Variants in RNF213 observed in about 807,000 individuals in gnomAD.
RNF213 encodes ring finger protein 213.
Under a neutral mutation model 514.4 loss-of-function variants are expected in RNF213, and 341 were observed. The ratio of observed to expected loss-of-function variants is 0.66; its 90% confidence interval spans 0.61 to 0.73. The LOEUF is 0.73. RNF213 is among the 30% of genes least tolerant of loss of function. RNF213 has a pLI of 0.00. For synonymous variants in RNF213, 2,655 were observed against 2,658.2 expected, an observed-to-expected ratio of 1.00 and a Z score of 0.04; for missense variants, 5,767 against 6,615.6, an observed-to-expected ratio of 0.87 and a Z score of 4.45.
rs754968841 is a variant in RNF213 at position 80,288,114 on chromosome 17, A to G, written c.561A>G (p.Gly187=). The G allele has an allele frequency of 8.7e-6, 14 of 1,607,988 alleles. No individual in the cohort carries two copies. Among genetic ancestry groups the G allele is most frequent in the Admixed American group, 1.7e-5 (1 of 59,750 alleles). The change falls in exon 4 of 68, where the codon GGA becomes GGG. Residue 187 remains glycine (G), a synonymous_variant. Coordinates refer to ENST00000582970, the MANE Select transcript of RNF213 (RefSeq NM_001256071.3). The surrounding 1 kb of genome is among the most constrained non-coding windows in gnomAD (Gnocchi z 4.9). Reference sequence around the variant, plus strand: ...TGGGAGAGGCAGGAGTGGCCACAGGAAGTGAGGCTCAGAGCAGCCCGCAAT... The same window carrying G: ...TGGGAGAGGCAGGAGTGGCCACAGGGAGTGAGGCTCAGAGCAGCCCGCAAT... The part of the protein sequence containing the change: ...QALGEAGVAT[G]SEAQSSPQFQ...
chr17:80,338,279 G>A (rs2078047151), intron 25 of RNF213, among the ~76,000 whole-genome samples: 1 of 152,192 alleles, frequency 6.6e-6, no homozygotes, highest in Admixed American at 6.5e-5. Context: ...CCACCGCACT[G>A]AGAAGGAGGT....
At position 80,383,079 on chromosome 17, in the gene RNF213, T is replaced by G. The variant is rs761868221; in HGVS notation, c.14070+9T>G. 7 of 1,601,118 alleles carry G rather than the reference T, an allele frequency of 4.4e-6. No individual in the cohort carries two copies. The highest frequency in any genetic ancestry group is 1.7e-4 in the Middle Eastern group (1 of 6,020). On this transcript the variant is annotated intron_variant, in intron 58 of 67. Coordinates refer to ENST00000582970, the MANE Select transcript of RNF213 (RefSeq NM_001256071.3). ...TTTCTCCTGAACTGGAGGTAAGCAG[T>G]AAGTGCTGACAGCTGGGTTGCTCCT...
chr17:80,305,137 C>T (rs1438458948), intron 11 of RNF213, among the ~76,000 whole-genome samples: 1 of 150,794 alleles, frequency 6.6e-6, no homozygotes, highest in Non-Finnish European at 1.5e-5. Context: ...CTTTGGCCTC[C>T]CAAGTTGTGG....
chr17:80,355,026 TC>T (rs1438727989), intron 36 of RNF213: 1 of 357,376 alleles, frequency 2.8e-6, no homozygotes, highest in Non-Finnish European at 5.5e-6. Flanking sequence ...TGGTTATTTT[TC>T]TGTCACCCAT....
At chr17:80,388,938 G>A (rs1414979672) in intron 64 of RNF213, 2 of 620,838 alleles carry the variant, frequency 3.2e-6, no homozygotes, top group Non-Finnish European at 5.8e-6. Context: ...GCTGAAGCGG[G>A]AAGTCCATGG....
chr17:80,345,791 T>G lies in RNF213; in HGVS notation c.7456T>G (p.Phe2486Val), dbSNP rs1304820534. The G allele has an allele frequency of 4.3e-6, 7 of 1,614,062 alleles. No homozygotes were observed. Among genetic ancestry groups the G allele is most frequent in the Middle Eastern group, 1.6e-4 (1 of 6,084 alleles). The change falls in exon 29 of 68, where the codon TTT (phenylalanine) becomes GTT (valine). Residue 2486 changes from phenylalanine (F) to valine (V), a missense_variant. Transcript: ENST00000582970. The surrounding 1 kb of genome is among the most constrained non-coding windows in gnomAD (Gnocchi z 6.0). ...DQHQLDTILF[F>V]DEANTTEAIS... ...ACATCAGTTGGACACCATCTTGTTT[T>G]TTGATGAAGCCAACACAACGGAAGC...
intron 57 of RNF213, 79 bp from the exon 58 acceptor site, chr17:80,382,900 C>A (rs1479284883): frequency 3.7e-5 from 32 of 854,240 alleles, no homozygotes; most frequent in Non-Finnish European, 6.2e-5. Flanking sequence ...CTATTAAACA[C>A]TTATTTAGGG....
chr17:80,278,140 G>C (rs898516748), intron 3 of RNF213, among the ~76,000 whole-genome samples: 2 of 152,224 alleles, frequency 1.3e-5, no homozygotes, highest in African/African-American at 4.8e-5. Context: ...GGAGCCAGGG[G>C]TCATTTGGGT....
At position 80,396,235 on chromosome 17, in the gene RNF213, C is replaced by T. The variant is rs1187414827; in HGVS notation, c.*2737C>T. 3 of 151,286 alleles carry T rather than the reference C, an allele frequency of 2.0e-5. No homozygotes were observed. Among genetic ancestry groups the T allele is most frequent in the African/African-American group, 7.3e-5 (3 of 40,908 alleles). The allele number at this position is 151,286 out of a possible 1,614,324, so 9.4% of individuals were successfully genotyped here. A position where few individuals can be genotyped will look rare whatever the true frequency, so the allele number is the denominator to read the frequency against. ...TATGATTGCACCACTGCACTCCAAC[C>T]TGGGTGACAGAGTGAGACCCTGTCT... is the stretch of plus-strand genomic sequence containing the variant. On this transcript the variant is annotated 3_prime_UTR_variant, in exon 68 of 68. Transcript: ENST00000582970.
intron 47 of RNF213, among the ~76,000 whole-genome samples, chr17:80,372,296 TA>T (rs1378328061): frequency 6.6e-6 from 1 of 152,238 alleles, no homozygotes; most frequent in East Asian, 1.9e-4. Context: ...ATAATGTAAA[TA>T]AATTAGATAA....
Position 80,307,704 on chromosome 17 carries a change from C to T in RNF213, c.2501+503C>T, listed in dbSNP as rs555979531. On this transcript the variant is annotated intron_variant, in intron 13 of 67. Coordinates refer to ENST00000582970, the MANE Select transcript of RNF213 (RefSeq NM_001256071.3). ...AGCTGGGATTACAGGCGCATGCCAC[C>T]ACGCCTGGCTAATTTTTGTATTTTT... Among the ~76,000 whole-genome samples, 336 of 152,234 alleles carry T rather than the reference C, an allele frequency of 2.2e-3. 1 individual carries two copies. Among genetic ancestry groups the T allele is most frequent in the African/African-American group, 8.0e-3 (332 of 41,540 alleles).
chr17:80,353,829 C>A lies in RNF213; in HGVS notation c.10578+163C>A. On this transcript the variant is annotated intron_variant, in intron 34 of 67. Coordinates refer to ENST00000582970, the MANE Select transcript of RNF213 (RefSeq NM_001256071.3). This position sits in a 1 kb window ranked among gnomAD's most constrained non-coding sequence, Gnocchi z 5.0. Reference sequence around the variant, plus strand: ...ACAGTGACGGTCTTGTTGCTGGTTACTGGGGGTCAAGGGCATCTGCACCGG... The same window carrying A: ...ACAGTGACGGTCTTGTTGCTGGTTAATGGGGGTCAAGGGCATCTGCACCGG... 8.1e-7 allele frequency: 1 copy of A among 1,228,190 alleles called. No homozygotes were observed. The allele number at this position is 1,228,190 out of a possible 1,614,324, so 76.1% of individuals were successfully genotyped here. A position where few individuals can be genotyped will look rare whatever the true frequency, so the allele number is the denominator to read the frequency against.
At chr17:80,354,687 C>T in intron 36 of RNF213, 111 bp downstream of exon 36, 1 of 1,348,908 alleles carries the variant, frequency 7.4e-7, no homozygotes, top group Non-Finnish European at 1.0e-6. Context: ...TGTTTCTTTC[C>T]AAACCTCTCA....
chr17:80,291,643 C>T lies in RNF213; in HGVS notation c.1287C>T (p.Asp429=), dbSNP rs149915714. The T allele has an allele frequency of 3.7e-6, 6 of 1,614,094 alleles. No homozygotes were observed. The highest frequency in any genetic ancestry group is 2.7e-5 in the African/African-American group (2 of 74,928). The change falls in exon 8 of 68, where the codon GAC becomes GAT. Residue 429 remains aspartate, a synonymous_variant. Coordinates refer to ENST00000582970, the MANE Select transcript of RNF213 (RefSeq NM_001256071.3). ...ELHYTRDLGH[D]RVLVEGIVCI... ...TCATTCACAGAGACTTGGGTCATGA[C>T]CGCGTTCTTGTTGAAGGCATTGTCT...
chr17:80,347,573 TAC>T lies in RNF213; in HGVS notation c.9241_9242del (p.Thr3081ProfsTer71). Reference sequence around the variant, plus strand: ...TTCTGGTTTCCCCAAGGACCAAGAGTACACCCAGCTCTGCAGAAACATCAATC... The same window carrying T: ...TTCTGGTTTCCCCAAGGACCAAGAGTACCCAGCTCTGCAGAAACATCAATC... ...FGSGFPKDQEYTQLCRNINRV... is the reference protein window; with the variant it reads ...FGSGFPKDQEXTQLCRNINRV... On this transcript the variant is annotated frameshift_variant, in exon 29 of 68. Coordinates refer to ENST00000582970, the MANE Select transcript of RNF213 (RefSeq NM_001256071.3). LOFTEE classifies it high-confidence loss of function. This position sits in a 1 kb window ranked among gnomAD's most constrained non-coding sequence, Gnocchi z 7.2. The T allele has an allele frequency of 6.2e-7, 1 of 1,614,002 alleles. No homozygotes were observed. Among genetic ancestry groups the T allele is most frequent in the Non-Finnish European group, 8.5e-7 (1 of 1,180,002 alleles).
At chr17:80,266,346 C>T (rs570716145) in intron 2 of RNF213, among the ~76,000 whole-genome samples, 150 of 151,362 alleles carry the variant, frequency 9.9e-4, no homozygotes, top group African/African-American at 3.1e-3. Context: ...CCTGGGAAGT[C>T]GAGGCTGCAG....
At chr17:80,373,210 C>T (rs2079587984) in intron 49 of RNF213, 45 bp downstream of exon 49, 1 of 1,559,016 alleles carries the variant, frequency 6.4e-7, no homozygotes, top group Non-Finnish European at 8.7e-7. Flanking sequence ...ACCCCCACAG[C>T]CCCATACACC....
Position 80,313,135 on chromosome 17 carries a change from G to C in RNF213, c.2779G>C (p.Gly927Arg), listed in dbSNP as rs2045627903. The change falls in exon 15 of 68, where the codon GGT (glycine) becomes CGT (arginine). Residue 927 changes from glycine (G) to arginine (R), a missense_variant. Gly to Arg is a moderately radical substitution (Grantham distance 125). Coordinates refer to ENST00000582970, the MANE Select transcript of RNF213 (RefSeq NM_001256071.3). ...VFTKNMLTSSGASFTYVKEIE... is the reference protein window; with the variant it reads ...VFTKNMLTSSRASFTYVKEIE... Reference sequence around the variant, plus strand: ...TACAAAGAACATGCTCACATCTTCAGGTGCCTCATTCACATACGTCAAGGA... The same window carrying C: ...TACAAAGAACATGCTCACATCTTCACGTGCCTCATTCACATACGTCAAGGA... The C allele has an allele frequency of 1.2e-6, 2 of 1,614,152 alleles. No individual in the cohort carries two copies. The highest frequency in any genetic ancestry group is 1.7e-6 in the Non-Finnish European group (2 of 1,180,042).
In RNF213 at chr17:80,353,248, A is replaced by AC; in HGVS notation, c.10423+191dup. The AC allele has an allele frequency of 1.2e-6, 1 of 850,384 alleles. No individual in the cohort carries two copies. Among genetic ancestry groups the AC allele is most frequent in the Non-Finnish European group, 1.9e-6 (1 of 536,396 alleles). The allele number at this position is 850,384 out of a possible 1,614,324, so 52.7% of individuals were successfully genotyped here. On this transcript the variant is annotated intron_variant, in intron 33 of 67. Transcript: ENST00000582970. This position sits in a 1 kb window ranked among gnomAD's most constrained non-coding sequence, Gnocchi z 5.0. ...GCACCAGGGCCGAGCAGGTGCGCTT[A>AC]CCACAGGCTGAGGTAGAGCTCTGTG...
Sources: allele counts gnomAD v4.1 joint callset (sites outside exome capture counted in the v4.1 genomes callset), GRCh38; gene constraint gnomAD v4.1.1; non-coding constraint Gnocchi (gnomAD v3.1); transcripts MANE v1.5; gene names NCBI Gene and HGNC (gene_info 2026-07-23, HGNC 2026-07-21).